Variants in SHROOM3 observed in about 807,000 individuals in gnomAD.
The protein encoded by SHROOM3 is protein Shroom3.
In SHROOM3, 47 loss-of-function variants were observed where a neutral mutation model predicts 138.6. The ratio of observed to expected loss-of-function variants is 0.34; its 90% CI spans 0.27 to 0.43. The LOEUF is 0.43. Ranked by LOEUF, SHROOM3 falls within the 20% of genes least tolerant of loss-of-function variation. SHROOM3 has a pLI of 1.00. For missense variants in SHROOM3, 2,491 were observed against 2,596.5 expected (o/e 0.96, Z 0.88); for synonymous variants, 1,062 against 1,063.3 (o/e 1.00, Z 0.02).
chr4:76,689,817 G>A, intron 2 of SHROOM3: 1 of 908,428 alleles, frequency 1.1e-6, no homozygotes, highest in Non-Finnish European at 1.3e-6. Context: ...TCTGGAGGAT[G>A]GCTCCCAGGG....
At chr4:76,522,139 C>T (rs905812193) in intron 1 of SHROOM3, among the ~76,000 whole-genome samples, 6 of 145,944 alleles carry the variant, frequency 4.1e-5, no homozygotes, top group African/African-American at 1.5e-4. Flanking sequence ...AGTGAATGAT[C>T]CCTGATTGGA....
At chr4:76,595,404 G>A (rs4446341) in intron 2 of SHROOM3, among the ~76,000 whole-genome samples, 102,289 of 152,060 alleles carry the variant, frequency 0.67, 34,891 homozygotes, top group East Asian at 0.94. Flanking sequence ...GTTTGTCTGT[G>A]TTTTCATTCT....
intron 2 of SHROOM3, among the ~76,000 whole-genome samples, chr4:76,625,880 C>T (rs1021979035): frequency 2.6e-5 from 4 of 152,212 alleles, no homozygotes; most frequent in Non-Finnish European, 4.4e-5. Context: ...CCATCTCGCT[C>T]ACTATTATAC....
At chr4:76,743,519 A>G (rs934469106) in intron 5 of SHROOM3, among the ~76,000 whole-genome samples, 7 of 149,116 alleles carry the variant, frequency 4.7e-5, no homozygotes, top group African/African-American at 7.3e-5. Context: ...ACCTTCTCAT[A>G]TATTTGGCAG....
chr4:76,714,289 C>T (rs1368241634), intron 3 of SHROOM3, among the ~76,000 whole-genome samples: 2 of 152,184 alleles, frequency 1.3e-5, no homozygotes, highest in Admixed American at 1.3e-4. Flanking sequence ...CCCTTAGCCT[C>T]CTCTGATCTG....
intron 1 of SHROOM3, among the ~76,000 whole-genome samples, chr4:76,541,065 A>G (rs1270582456): frequency 6.6e-6 from 1 of 152,206 alleles, no homozygotes; most frequent in Non-Finnish European, 1.5e-5. Flanking sequence ...CCACTGATGT[A>G]GTTACTGAAA....
Position 76,597,793 on chromosome 4 carries a change from G to A in SHROOM3, c.323+42030G>A, listed in dbSNP as rs145431768. Among the ~76,000 whole-genome samples, 9 of 152,322 alleles carry A rather than the reference G, an allele frequency of 5.9e-5. No individual in the cohort carries two copies. The East Asian group carries it at 1.7e-3, about 29-fold the overall frequency. ...TGTAACTTGAGGAAGCAGATCCCGT[G>A]TTGTAATCTCCAAATTGCTGAGTGT... is the stretch of plus-strand genomic sequence containing the variant. On this transcript the variant is annotated intron_variant, in intron 2 of 10. Transcript: ENST00000296043.
intron 9 of SHROOM3, among the ~76,000 whole-genome samples, chr4:76,763,195 G>A (rs1722042008): frequency 6.6e-6 from 1 of 152,010 alleles, no homozygotes; most frequent in Admixed American, 6.6e-5. Flanking sequence ...AGACCAGCCT[G>A]AGCAATATAG....
At chr4:76,511,348 A>G (rs1732333498) in intron 1 of SHROOM3, among the ~76,000 whole-genome samples, 1 of 151,874 alleles carries the variant, frequency 6.6e-6, no homozygotes, top group Admixed American at 6.5e-5. Context: ...AAAGTAAAAG[A>G]TCTAGGTGGC....
At chr4:76,702,363 A>T (rs190910868) in intron 2 of SHROOM3, among the ~76,000 whole-genome samples, 16 of 152,378 alleles carry the variant, frequency 1.1e-4, no homozygotes, top group Admixed American at 9.8e-4. Flanking sequence ...AATCTGGTAC[A>T]TACCATGTGC....
chr4:76,767,309 C>T (rs1373116533), intron 9 of SHROOM3, among the ~76,000 whole-genome samples: 1 of 152,170 alleles, frequency 6.6e-6, no homozygotes, highest in Non-Finnish European at 1.5e-5. Context: ...CACTCACCAC[C>T]ACATGTGAGA....
At chr4:76,457,361 A>G (rs1227011589) in intron 1 of SHROOM3, among the ~76,000 whole-genome samples, 3 of 152,040 alleles carry the variant, frequency 2.0e-5, no homozygotes, top group Non-Finnish European at 4.4e-5. Flanking sequence ...TGCTCCTTCC[A>G]TGTAAGATGC....
intron 2 of SHROOM3, 172 bp from the exon 3 acceptor site, chr4:76,709,984 C>T (rs868846885): frequency 1.1e-5 from 8 of 704,390 alleles, no homozygotes; most frequent in Middle Eastern, 5.1e-4. Flanking sequence ...GATTCGCCTT[C>T]GTAGGGCAGA....
chr4:76,740,631 A>G lies in SHROOM3; in HGVS notation c.2458A>G (p.Thr820Ala), dbSNP rs1721218440. The change falls in exon 5 of 11, where the codon ACT (threonine) becomes GCT (alanine). Residue 820 changes from threonine (T) to alanine (A), a missense_variant. Coordinates refer to ENST00000296043, the MANE Select transcript of SHROOM3 (RefSeq NM_020859.4). The surrounding 1 kb of genome is among the most constrained non-coding windows in gnomAD (Gnocchi z 4.0). ...CCACAGGACCGTCTCAACTTCCAGT[A>G]CTTCTGGGAATGACTTCGAGGAGAC... ...RPHRTVSTSSTSGNDFEETKA... is the reference protein window; with the variant it reads ...RPHRTVSTSSASGNDFEETKA... 1 of 1,614,180 alleles carries G rather than the reference A, an allele frequency of 6.2e-7. No individual in the cohort carries two copies. The highest frequency in any genetic ancestry group is 1.3e-5 in the African/African-American group (1 of 75,060).
At chr4:76,764,692 T>C (rs1331474850) in intron 9 of SHROOM3, among the ~76,000 whole-genome samples, 1 of 152,216 alleles carries the variant, frequency 6.6e-6, no homozygotes, top group Non-Finnish European at 1.5e-5. Flanking sequence ...CTTGCTTCCA[T>C]GGTTTCTAAT....
intron 1 of SHROOM3, among the ~76,000 whole-genome samples, chr4:76,489,013 C>T (rs551394449): frequency 1.3e-5 from 2 of 152,296 alleles, no homozygotes; most frequent in South Asian, 4.1e-4. Flanking sequence ...GGAGACACTC[C>T]AACTCCTGAA....
intron 1 of SHROOM3, among the ~76,000 whole-genome samples, chr4:76,472,017 G>T (rs913270476): frequency 3.9e-5 from 6 of 152,112 alleles, no homozygotes; most frequent in Non-Finnish European, 1.5e-5. Flanking sequence ...AAAAATGAAA[G>T]GGGGAATAGA....
At chr4:76,630,903 TG>T in intron 2 of SHROOM3, among the ~76,000 whole-genome samples, 1 of 152,334 alleles carries the variant, frequency 6.6e-6, no homozygotes, top group East Asian at 1.9e-4. Flanking sequence ...TGAGTTCCAA[TG>T]GGTCATTATG....
At chr4:76,454,652 C>T (rs1396659807) in intron 1 of SHROOM3, among the ~76,000 whole-genome samples, 1 of 152,104 alleles carries the variant, frequency 6.6e-6, no homozygotes, top group Non-Finnish European at 1.5e-5. Flanking sequence ...ACTTGGGGTC[C>T]TTTAAGATTC....
Sources: allele counts gnomAD v4.1 joint callset (sites outside exome capture counted in the v4.1 genomes callset), GRCh38; gene constraint gnomAD v4.1.1; non-coding constraint Gnocchi (gnomAD v3.1); transcripts MANE v1.5; gene names NCBI Gene and HGNC (gene_info 2026-07-23, HGNC 2026-07-21).